Variants in BCAS3 observed in about 807,000 individuals in gnomAD.
BCAS3 encodes BCAS4/BCAS3 fusion.
BCAS3 carries 53 observed loss-of-function variants against 116.1 expected under a neutral mutation model. The observed-to-expected ratio is 0.46, with a 90% confidence interval of 0.37 to 0.57. The LOEUF is 0.57. Ranked by LOEUF, BCAS3 falls within the 20% of genes least tolerant of loss-of-function variation. BCAS3 has a pLI of 0.00. For missense variants in BCAS3, 917 were observed against 1,165.4 expected (o/e 0.79, Z 3.10); for synonymous variants, 391 against 408.2 (o/e 0.96, Z 0.51).
At chr17:60,781,299 T>C (rs147274879) in intron 6 of BCAS3, among the ~76,000 whole-genome samples, 96 of 151,720 alleles carry the variant, frequency 6.3e-4, no homozygotes, top group African/African-American at 2.2e-3. Context: ...GCCATCTTTC[T>C]CAAAGAAAGA....
chr17:61,310,473 G>C (rs2054206411), intron 22 of BCAS3, among the ~76,000 whole-genome samples: 2 of 151,212 alleles, frequency 1.3e-5, no homozygotes, highest in Admixed American at 6.6e-5. Context: ...AGAATCCCTT[G>C]AACCCAAGAG....
At chr17:60,828,902 G>C (rs2050667712) in intron 7 of BCAS3, among the ~76,000 whole-genome samples, 1 of 152,152 alleles carries the variant, frequency 6.6e-6, no homozygotes, top group South Asian at 2.1e-4. Flanking sequence ...GTGTCTGGGG[G>C]ACATTTTTTG....
chr17:60,993,097 A>G lies in BCAS3; in HGVS notation c.1486+2862A>G, dbSNP rs1381174813. 6.6e-6 allele frequency among the ~76,000 whole-genome samples: 1 copy of G among 152,126 alleles called. No individual in the cohort carries two copies. Among genetic ancestry groups the G allele is most frequent in the South Asian group, 2.1e-4 (1 of 4,826 alleles). ...TTCTTTATACAGCAAACCACATAAGAGGTTTTTGTGTTAAGATTCAAGCAT... is the reference window on the plus strand; with the variant it reads ...TTCTTTATACAGCAAACCACATAAGGGGTTTTTGTGTTAAGATTCAAGCAT... On this transcript the variant is annotated intron_variant, in intron 15 of 23. Coordinates refer to ENST00000407086, the MANE Select transcript of BCAS3 (RefSeq NM_017679.5). This position sits in a 1 kb window ranked among gnomAD's most constrained non-coding sequence, Gnocchi z 4.2.
chr17:61,388,392 G>T lies in BCAS3; in HGVS notation c.2594-3585G>T. ...CCTCCCCCACTCTGAACGGGGTCTT[G>T]GCCCCCTCTGTCACAGCAGATCCAT... On this transcript the variant is annotated intron_variant, in intron 23 of 23. Coordinates refer to ENST00000407086, the MANE Select transcript of BCAS3 (RefSeq NM_017679.5). The surrounding 1 kb of genome is among the most constrained non-coding windows in gnomAD (Gnocchi z 6.5). The T allele has an allele frequency of 2.1e-6, 1 of 485,920 alleles. No homozygotes were observed. The highest frequency in any genetic ancestry group is 3.7e-6 in the Non-Finnish European group (1 of 270,602). 30.1% of individuals were successfully genotyped at this position (485,920 alleles called of 1,614,324 possible).
chr17:60,858,222 G>A (rs561304347), intron 7 of BCAS3, among the ~76,000 whole-genome samples: 1 of 152,224 alleles, frequency 6.6e-6, no homozygotes, highest in South Asian at 2.1e-4. Flanking sequence ...CCCACCTCCA[G>A]TTGTTCCAAT....
chr17:61,065,752 A>G lies in BCAS3; in HGVS notation c.2030-9168A>G, dbSNP rs1017926919. Reference sequence around the variant, plus strand: ...AAACTGTGTCTGGTCCTGAATCTGAAGAATTCCACTGCCCATATAAAACTC... The same window carrying G: ...AAACTGTGTCTGGTCCTGAATCTGAGGAATTCCACTGCCCATATAAAACTC... On this transcript the variant is annotated intron_variant, in intron 19 of 23. Transcript: ENST00000407086. The surrounding 1 kb of genome is among the most constrained non-coding windows in gnomAD (Gnocchi z 4.8). Among the ~76,000 whole-genome samples the G allele has an allele frequency of 5.3e-5, 8 of 152,292 alleles. No individual in the cohort carries two copies. The highest frequency in any genetic ancestry group is 3.4e-3 in the Middle Eastern group (1 of 294).
chr17:60,992,935 T>A (rs531424803), intron 15 of BCAS3, among the ~76,000 whole-genome samples: 1 of 152,310 alleles, frequency 6.6e-6, no homozygotes, highest in East Asian at 1.9e-4. Context: ...GCAAAGAGAT[T>A]CACTGTACAC....
chr17:60,788,671 C>T (rs1027600128), intron 6 of BCAS3, among the ~76,000 whole-genome samples: 3 of 152,168 alleles, frequency 2.0e-5, no homozygotes, highest in Middle Eastern at 3.4e-3. Flanking sequence ...TGCCTGGAGC[C>T]TCTCTATTTT....
chr17:60,915,598 T>C (rs1257194501), intron 12 of BCAS3, among the ~76,000 whole-genome samples: 1 of 137,946 alleles, frequency 7.2e-6, no homozygotes, highest in East Asian at 1.9e-4. Context: ...ATACATTATG[T>C]AATATTTTAA....
intron 22 of BCAS3, chr17:61,086,934 A>G (rs753527091): frequency 7.2e-5 from 71 of 985,310 alleles, no homozygotes; most frequent in Non-Finnish European, 8.4e-5. Flanking sequence ...ATGTCCATCT[A>G]CTTTAATAGG....
At chr17:61,052,759 C>T (rs1259236820) in intron 19 of BCAS3, among the ~76,000 whole-genome samples, 1 of 144,198 alleles carries the variant, frequency 6.9e-6, no homozygotes, top group Non-Finnish European at 1.5e-5. Context: ...TCTCCCATTG[C>T]CCAGGCTGGA....
chr17:61,353,647 A>G (rs1349528870), intron 22 of BCAS3: 1 of 152,266 alleles, frequency 6.6e-6, no homozygotes, highest in Non-Finnish European at 1.5e-5. Context: ...AGGGTAGAGC[A>G]GTGTGCGGCG....
intron 11 of BCAS3, among the ~76,000 whole-genome samples, chr17:60,904,232 C>T (rs576981796): frequency 3.4e-4 from 51 of 151,862 alleles, no homozygotes; most frequent in African/African-American, 7.0e-4. Context: ...AGTGAAACCC[C>T]GTCTCTACTA....
intron 9 of BCAS3, among the ~76,000 whole-genome samples, chr17:60,875,480 A>T (rs182484681): frequency 1.3e-5 from 2 of 152,230 alleles, no homozygotes; most frequent in East Asian, 3.9e-4. Flanking sequence ...GCAATTTAGC[A>T]GTTTCGTATT....
intron 12 of BCAS3, among the ~76,000 whole-genome samples, chr17:60,921,457 C>CAAA (rs1057198930): frequency 2.6e-5 from 4 of 151,568 alleles, no homozygotes; most frequent in African/African-American, 9.7e-5. Context: ...ACTAAAAATA[C>CAAA]AAAAAATTAG....
intron 6 of BCAS3, among the ~76,000 whole-genome samples, chr17:60,755,853 A>G (rs7501556): frequency 0.73 from 110,373 of 152,100 alleles, 45,756 homozygotes; most frequent in South Asian, 0.98. Context: ...ACTTGTGAAT[A>G]TTTCTTACGT....
Position 61,205,572 on chromosome 17 carries a change from C to T in BCAS3, c.2425+121008C>T, listed in dbSNP as rs2081071739. ...TCAGCCATAATGTCATTGACCTTGA[C>T]ATACTCAGAACAAATTGGTCTGTGT... is the stretch of plus-strand genomic sequence containing the variant. On this transcript the variant is annotated intron_variant, in intron 22 of 23. Coordinates refer to ENST00000407086, the MANE Select transcript of BCAS3 (RefSeq NM_017679.5). The surrounding 1 kb of genome is among the most constrained non-coding windows in gnomAD (Gnocchi z 5.2). Among the ~76,000 whole-genome samples the T allele has an allele frequency of 6.6e-6, 1 of 152,220 alleles. No homozygotes were observed. Among genetic ancestry groups the T allele is most frequent in the Non-Finnish European group, 1.5e-5 (1 of 68,046 alleles).
rs2069386442 is a variant in BCAS3 at position 61,056,356 on chromosome 17, A to G, written c.2029+15464A>G. On this transcript the variant is annotated intron_variant, in intron 19 of 23. Transcript: ENST00000407086. The surrounding 1 kb of genome is among the most constrained non-coding windows in gnomAD (Gnocchi z 4.9). ...TACAGTGCCCATGTTATATACTGATAGAAGTCAGTAATTTACTTGAAATAT... is the reference window on the plus strand; with the variant it reads ...TACAGTGCCCATGTTATATACTGATGGAAGTCAGTAATTTACTTGAAATAT... Among the ~76,000 whole-genome samples, 1 of 152,240 alleles carries G rather than the reference A, an allele frequency of 6.6e-6. No individual in the cohort carries two copies. Among genetic ancestry groups the G allele is most frequent in the South Asian group, 2.1e-4 (1 of 4,832 alleles).
At chr17:60,713,551 A>G (rs115259682) in intron 5 of BCAS3, among the ~76,000 whole-genome samples, 108 of 152,260 alleles carry the variant, frequency 7.1e-4, no homozygotes, top group African/African-American at 2.4e-3. Flanking sequence ...TAAAAAAAGG[A>G]TGGTTGTGTC....
Sources: allele counts gnomAD v4.1 joint callset (sites outside exome capture counted in the v4.1 genomes callset), GRCh38; gene constraint gnomAD v4.1.1; non-coding constraint Gnocchi (gnomAD v3.1); transcripts MANE v1.5; gene names NCBI Gene and HGNC (gene_info 2026-07-23, HGNC 2026-07-21).